Variants in NRP2 observed in about 807,000 individuals in gnomAD.
NRP2 encodes the protein neuropilin-2.
Under a neutral mutation model 110.4 loss-of-function variants are expected in NRP2, and 52 were observed. That is an observed-to-expected ratio of 0.47 (90% CI 0.38 to 0.59). The LOEUF (loss-of-function observed/expected upper bound fraction) is 0.59, where lower values mean the gene tolerates loss of function less well. Among genes scored for constraint, NRP2 ranks in the 20% least tolerant of loss-of-function variants. The pLI is 0.00. For synonymous variants in NRP2, 508 were observed against 468.9 expected (o/e 1.08, Z -1.08); for missense variants, 1,049 against 1,203.0 (o/e 0.87, Z 1.89).
At chr2:205,700,295 T>C (rs963772060) in intron 2 of NRP2, among the ~76,000 whole-genome samples, 1 of 152,238 alleles carries the variant, frequency 6.6e-6, no homozygotes, top group Non-Finnish European at 1.5e-5. Context: ...GGGTGCATGC[T>C]TCAAATTGGA....
At position 205,725,385 on chromosome 2, in the gene NRP2, A is replaced by G. The variant is rs62172962; in HGVS notation, c.821-528A>G. ...AGGTGGTGCGGGGGAATAGAGAGTG[A>G]CATGCATGTGCTCATGGAGAGATTT... is the stretch of plus-strand genomic sequence containing the variant. On this transcript the variant is annotated intron_variant, in intron 5 of 16. Coordinates refer to ENST00000357785, the MANE Select transcript of NRP2 (RefSeq NM_003872.3). This position sits in a 1 kb window ranked among gnomAD's most constrained non-coding sequence, Gnocchi z 4.1. 4.7e-3 allele frequency among the ~76,000 whole-genome samples: 717 copies of G among 152,320 alleles called. 4 individuals are homozygous for G. The highest frequency in any genetic ancestry group is 7.5e-3 in the Non-Finnish European group (513 of 68,022).
chr2:205,772,485 G>C (rs1312655865), intron 15 of NRP2, among the ~76,000 whole-genome samples: 1 of 152,222 alleles, frequency 6.6e-6, no homozygotes, highest in Non-Finnish European at 1.5e-5. Flanking sequence ...TGCACTTGGA[G>C]TTCAGTTATT....
intron 10 of NRP2, 83 bp from the exon 11 acceptor site, chr2:205,749,642 T>C: frequency 9.3e-7 from 1 of 1,080,528 alleles, no homozygotes; most frequent in East Asian, 2.4e-5. Context: ...TTCCCTTCTC[T>C]AGAGATGTTT....
intron 15 of NRP2, chr2:205,778,466 T>C (rs891090630): frequency 1.3e-5 from 2 of 152,302 alleles, no homozygotes; most frequent in African/African-American, 4.8e-5. Flanking sequence ...AGAAGTGTCC[T>C]ACCTCAGCTG....
intron 3 of NRP2, among the ~76,000 whole-genome samples, chr2:205,720,262 C>CTTTTTTTT (rs202203741): frequency 7.7e-6 from 1 of 129,170 alleles, no homozygotes. Context: ...TTTTTTCTTT[C>CTTTTTTTT]TTTTTTTTTT....
At chr2:205,705,426 T>C (rs989103485) in intron 2 of NRP2, among the ~76,000 whole-genome samples, 3 of 152,184 alleles carry the variant, frequency 2.0e-5, no homozygotes, top group Non-Finnish European at 2.9e-5. Context: ...GAAAGAAATG[T>C]GAGTTGGGCT....
At chr2:205,717,884 G>C (rs2105797316) in intron 3 of NRP2, among the ~76,000 whole-genome samples, 1 of 152,332 alleles carries the variant, frequency 6.6e-6, no homozygotes, top group South Asian at 2.1e-4. Context: ...GCACGTAACA[G>C]ATTCGCAGGT....
intron 1 of NRP2, 57 bp downstream of exon 1, chr2:205,683,420 C>A: frequency 7.7e-7 from 1 of 1,302,956 alleles, no homozygotes; most frequent in Non-Finnish European, 1.1e-6. Flanking sequence ...TTAAAAGTGA[C>A]CGCTAAAGCA....
intron 1 of NRP2, among the ~76,000 whole-genome samples, chr2:205,685,465 A>T (rs1335942020): frequency 6.6e-6 from 1 of 152,192 alleles, no homozygotes; most frequent in Non-Finnish European, 1.5e-5. Flanking sequence ...GGCCTGGTTC[A>T]GCCGCCGCCG....
chr2:205,709,919 AAT>A (rs1427978057), intron 2 of NRP2, among the ~76,000 whole-genome samples: 4 of 152,184 alleles, frequency 2.6e-5, no homozygotes, highest in Non-Finnish European at 5.9e-5. Context: ...TACAAAAATT[AAT>A]ATGTTATCCC....
At chr2:205,702,722 C>G (rs2056587009) in intron 2 of NRP2, among the ~76,000 whole-genome samples, 1 of 152,104 alleles carries the variant, frequency 6.6e-6, no homozygotes, top group Admixed American at 6.5e-5. Context: ...GTCATCTGGC[C>G]CCTCCCCATT....
chr2:205,728,311 TGAA>T (rs1481709399), intron 7 of NRP2, among the ~76,000 whole-genome samples: 2 of 152,146 alleles, frequency 1.3e-5, no homozygotes, highest in African/African-American at 4.8e-5. Context: ...TGACTTCAAA[TGAA>T]GGAGAAAATA....
At chr2:205,765,363 C>CAT in intron 13 of NRP2, 111 bp from the exon 14 acceptor site, 1 of 860,548 alleles carries the variant, frequency 1.2e-6, no homozygotes, top group African/African-American at 1.7e-5. Context: ...CACACACACA[C>CAT]ACACATACAC....
intron 11 of NRP2, among the ~76,000 whole-genome samples, chr2:205,751,632 A>T (rs2057647525): frequency 6.6e-6 from 1 of 152,104 alleles, no homozygotes; most frequent in African/African-American, 2.4e-5. Context: ...GCCTGGTGGC[A>T]ATCTTCCTCC....
chr2:205,689,371 G>T (rs1192441204), intron 1 of NRP2, among the ~76,000 whole-genome samples: 1 of 152,164 alleles, frequency 6.6e-6, no homozygotes, highest in Non-Finnish European at 1.5e-5. Context: ...CTACTTCATA[G>T]GGTTGTTGGG....
At chr2:205,716,058 A>C in intron 2 of NRP2, 135 bp from the exon 3 acceptor site, 1 of 921,696 alleles carries the variant, frequency 1.1e-6, no homozygotes, top group Non-Finnish European at 1.8e-6. Context: ...ACAAGCAGAC[A>C]TAAGTGCCCT....
chr2:205,717,738 G>T (rs13021860), intron 3 of NRP2, among the ~76,000 whole-genome samples: 1 of 151,986 alleles, frequency 6.6e-6, no homozygotes, highest in Non-Finnish European at 1.5e-5. Context: ...CCTGAGTCTT[G>T]TGCAAAATTC....
At chr2:205,744,276 T>C (rs1013199256) in intron 9 of NRP2, among the ~76,000 whole-genome samples, 2 of 152,212 alleles carry the variant, frequency 1.3e-5, no homozygotes, top group African/African-American at 4.8e-5. Flanking sequence ...AGATAAAGTT[T>C]CCTTGAAATT....
At chr2:205,701,554 A>C (rs1363513404) in intron 2 of NRP2, 3 of 151,390 alleles carry the variant, frequency 2.0e-5, no homozygotes, top group African/African-American at 7.3e-5. Context: ...AAAAAAAAAA[A>C]GAATTGGTAA....
Sources: gnomAD v4.1 joint callset for allele counts (sites outside exome capture counted in the v4.1 genomes callset) on GRCh38, gnomAD v4.1.1 for gene constraint, Gnocchi (gnomAD v3.1) non-coding constraint, MANE v1.5 for transcripts, NCBI Gene and HGNC (gene_info 2026-07-23, HGNC 2026-07-21) for gene names.